PCDHA1: variants seen among roughly 807,000 people sequenced by gnomAD.
The protein encoded by PCDHA1 is protocadherin alpha-1.
PCDHA1 carries 42 observed loss-of-function variants against 61.3 expected under a neutral mutation model. That is an observed-to-expected ratio of 0.69 (90% CI 0.54 to 0.89). The LOEUF is 0.89. Ranked by LOEUF, PCDHA1 falls within the 40% of genes least tolerant of loss-of-function variation. The pLI is 0.00. For synonymous variants in PCDHA1, 610 were observed against 553.8 expected (o/e 1.10, Z -1.43); for missense variants, 1,256 against 1,235.3 (o/e 1.02, Z -0.25).
At chr5:140,791,906 G>A (rs552221949) in intron 1 of PCDHA1, among the ~76,000 whole-genome samples, 4 of 152,162 alleles carry the variant, frequency 2.6e-5, no homozygotes, top group East Asian at 3.9e-4. Context: ...TAAACGTTAA[G>A]GGATATACAG....
chr5:140,793,475 A>G (rs1554118938), intron 1 of PCDHA1, among the ~76,000 whole-genome samples: 1 of 152,212 alleles, frequency 6.6e-6, no homozygotes, highest in East Asian at 1.9e-4. Context: ...AGGGAAAAAA[A>G]TTGTTATTGG....
At chr5:140,889,273 T>C (rs1307102398) in intron 1 of PCDHA1, among the ~76,000 whole-genome samples, 3 of 152,054 alleles carry the variant, frequency 2.0e-5, no homozygotes, top group Admixed American at 6.5e-5. Flanking sequence ...GTATAATCTT[T>C]GAATTACTTC....
chr5:140,798,415 T>C (rs1441786526), intron 1 of PCDHA1, among the ~76,000 whole-genome samples: 4 of 152,214 alleles, frequency 2.6e-5, no homozygotes, highest in South Asian at 2.1e-4. Flanking sequence ...TTGTTTAATT[T>C]GAAAATATTA....
intron 1 of PCDHA1, among the ~76,000 whole-genome samples, chr5:140,910,949 C>T (rs1413845849): frequency 1.3e-5 from 2 of 152,112 alleles, no homozygotes; most frequent in African/African-American, 2.4e-5. Context: ...CAGTTCTTTT[C>T]GAGTGTAGCA....
intron 1 of PCDHA1, chr5:140,830,209 G>C: frequency 6.2e-7 from 1 of 1,613,806 alleles, no homozygotes; most frequent in Non-Finnish European, 8.5e-7. Context: ...CCATCTGCGC[G>C]GTATCCAGCC....
chr5:140,856,258 C>G, intron 1 of PCDHA1: 1 of 1,598,068 alleles, frequency 6.3e-7, no homozygotes, highest in South Asian at 1.1e-5. Context: ...CCAAAAGACA[C>G]GGGGACCTTC....
chr5:140,877,994 G>A lies in PCDHA1; in HGVS notation c.2394+89310G>A, dbSNP rs1349448705. On this transcript the variant is annotated intron_variant, in intron 1 of 3. Coordinates refer to ENST00000504120, the MANE Select transcript of PCDHA1 (RefSeq NM_018900.4). Reference sequence around the variant, plus strand: ...ATTCTTACTCATTTTGAACTTTTATGTATTTGTCTAACATTAATGAAGGAA... The same window carrying A: ...ATTCTTACTCATTTTGAACTTTTATATATTTGTCTAACATTAATGAAGGAA... The A allele has an allele frequency of 8.3e-6, 9 of 1,078,340 alleles. No homozygotes were observed. The Admixed American group carries it at 1.0e-4, about 12-fold the overall frequency. 66.8% of individuals were successfully genotyped at this position (1,078,340 alleles called of 1,614,324 possible). A position where few individuals can be genotyped will look rare whatever the true frequency, so the allele number is the denominator to read the frequency against.
intron 1 of PCDHA1, among the ~76,000 whole-genome samples, chr5:140,879,619 G>C (rs1554170883): frequency 6.6e-6 from 1 of 152,182 alleles, no homozygotes; most frequent in African/African-American, 2.4e-5. Flanking sequence ...CAGGTACTTA[G>C]GTGGGTAAGT....
rs564411271 is a variant in PCDHA1, at chr5:140,916,111, G to A, written c.2395-62838G>A. 1.9e-3 allele frequency among the ~76,000 whole-genome samples: 289 copies of A among 152,268 alleles called. 1 individual carries two copies. The highest frequency in any genetic ancestry group is 6.6e-3 in the African/African-American group (274 of 41,540). ...ACAGGGAATCTGCCTGGCCACTGCT[G>A]ATGTTCACTTAAAGCTTAAGGGCTG... On this transcript the variant is annotated intron_variant, in intron 1 of 3. Coordinates refer to ENST00000504120, the MANE Select transcript of PCDHA1 (RefSeq NM_018900.4).
intron 1 of PCDHA1, chr5:140,849,778 G>C (rs2150449659): frequency 1.9e-6 from 3 of 1,598,508 alleles, no homozygotes; most frequent in Non-Finnish European, 2.6e-6. Context: ...GTTACCGCGC[G>C]GGACGGGGGC....
intron 1 of PCDHA1, chr5:140,863,111 C>T (rs782266273): frequency 1.2e-5 from 7 of 585,488 alleles, no homozygotes; most frequent in Non-Finnish European, 1.7e-5. Context: ...CTGGACGAGG[C>T]GAAAGCTACG....
At chr5:140,988,625 T>A (rs1406223989) in intron 3 of PCDHA1, among the ~76,000 whole-genome samples, 1 of 152,176 alleles carries the variant, frequency 6.6e-6, no homozygotes, top group Non-Finnish European at 1.5e-5. Context: ...AATGGAGATG[T>A]CCTGGTTTTC....
At chr5:140,870,654 C>A in intron 1 of PCDHA1, 2 of 1,612,562 alleles carry the variant, frequency 1.2e-6, no homozygotes, top group Non-Finnish European at 1.7e-6. Flanking sequence ...GCAAGGTGTA[C>A]GCGCTGCAGC....
intron 1 of PCDHA1, chr5:140,850,656 C>T: frequency 6.3e-7 from 1 of 1,598,598 alleles, no homozygotes; most frequent in Non-Finnish European, 8.6e-7. Context: ...GTACACTGTG[C>T]TGCGGTGCTC....
At chr5:140,945,164 T>C (rs246060) in intron 1 of PCDHA1, among the ~76,000 whole-genome samples, 85,686 of 151,808 alleles carry the variant, frequency 0.56, 24,785 homozygotes, top group African/African-American at 0.69. Flanking sequence ...TATTGAACTA[T>C]CTGAAAAATA....
chr5:140,884,247 CG>C (rs1220799816), intron 1 of PCDHA1: 1 of 1,613,280 alleles, frequency 6.2e-7, no homozygotes, highest in Non-Finnish European at 8.5e-7. Flanking sequence ...CCCGCGCTGA[CG>C]GCCACGGCAA....
intron 1 of PCDHA1, chr5:140,805,274 A>G: frequency 7.8e-7 from 1 of 1,285,874 alleles, no homozygotes; most frequent in Non-Finnish European, 9.8e-7. Flanking sequence ...TGAAAATATT[A>G]CAAATGAAAT....
chr5:140,858,503 T>C, intron 1 of PCDHA1: 1 of 1,458,120 alleles, frequency 6.9e-7, no homozygotes. Flanking sequence ...CCGCATTTTC[T>C]CAAATATGTA....
chr5:140,846,457 C>T lies in PCDHA1; in HGVS notation c.2394+57773C>T, dbSNP rs111351744. Among the ~76,000 whole-genome samples the T allele has an allele frequency of 5.2e-3, 745 of 144,004 alleles. 43 individuals carry two copies. The highest frequency in any genetic ancestry group is 0.018 in the African/African-American group (687 of 39,152). 94.5% of individuals were successfully genotyped at this position (144,004 alleles called of 152,430 possible). On this transcript the variant is annotated intron_variant, in intron 1 of 3. Coordinates refer to ENST00000504120, the MANE Select transcript of PCDHA1 (RefSeq NM_018900.4). ...TGGCGCAATCTCGGCTCACTGCAAC[C>T]TCTGCCTCCCGGGTTCAAATGATTC...
Sources: gnomAD v4.1 joint callset for allele counts (sites outside exome capture counted in the v4.1 genomes callset) on GRCh38, gnomAD v4.1.1 for gene constraint, MANE v1.5 for transcripts, NCBI Gene and HGNC (gene_info 2026-07-23, HGNC 2026-07-21) for gene names.